The following AUH variants were observed in gnomAD, a reference collection of about 807,000 sequenced individuals.
AUH encodes methylglutaconyl-CoA hydratase, mitochondrial.
Under a neutral mutation model 42.3 loss-of-function variants are expected in AUH, and 29 were observed. The ratio of observed to expected loss-of-function variants is 0.69; its 90% CI spans 0.51 to 0.93. The LOEUF (loss-of-function observed/expected upper bound fraction) is 0.93. Ranked by LOEUF, AUH falls within the 40% of genes least tolerant of loss-of-function variation. The pLI, the probability that AUH is intolerant of heterozygous loss-of-function variation, is 0.00. For synonymous variants in AUH, 174 were observed against 166.4 expected, an observed-to-expected ratio of 1.05 and a Z score of -0.35; for missense variants, 452 against 438.1, an observed-to-expected ratio of 1.03 and a Z score of -0.28.
At chr9:91,348,751 G>A (rs1400898634) in intron 3 of AUH, among the ~76,000 whole-genome samples, 6 of 152,158 alleles carry the variant, frequency 3.9e-5, no homozygotes, top group Non-Finnish European at 1.5e-5. Flanking sequence ...CAGGGCAAGG[G>A]AAGGGGCTTG....
Position 91,361,759 on chromosome 9 carries a change from C to T in AUH, c.131G>A (p.Arg44Gln), listed in dbSNP as rs1283822593. The T allele has an allele frequency of 6.5e-7, 1 of 1,544,616 alleles. No individual in the cohort carries two copies. The highest frequency in any genetic ancestry group is 8.7e-7 in the Non-Finnish European group (1 of 1,145,396). The change falls in exon 1 of 10, where the codon CGA (arginine) becomes CAA (glutamine). Residue 44 changes from arginine to glutamine, a missense_variant. Transcript: ENST00000375731. ...LRLPGSLAGR[R>Q]AGPAIWAQGW... The stretch of plus-strand genomic sequence containing the variant: ...CTGGGCCCAGATCGCCGGGCCCGCT[C>T]GCCGGCCTGCCAACGAGCCGGGCAG...
At chr9:91,252,475 ATC>A (rs1484440574) in intron 6 of AUH, among the ~76,000 whole-genome samples, 1 of 152,132 alleles carries the variant, frequency 6.6e-6, no homozygotes, top group Non-Finnish European at 1.5e-5. Flanking sequence ...AGGTGGTGCC[ATC>A]ACCCTCATTT....
chr9:91,249,464 C>T (rs1379970424), intron 6 of AUH, among the ~76,000 whole-genome samples: 2 of 151,074 alleles, frequency 1.3e-5, no homozygotes, highest in Non-Finnish European at 3.0e-5. Flanking sequence ...TGTAACCTCA[C>T]CCTTGTGGCT....
intron 6 of AUH, among the ~76,000 whole-genome samples, chr9:91,234,330 T>C (rs1587657899): frequency 6.6e-6 from 1 of 152,108 alleles, no homozygotes; most frequent in East Asian, 1.9e-4. Flanking sequence ...GGCATGGAGA[T>C]TTGCCAAGCT....
At chr9:91,246,971 T>A (rs115859766) in intron 6 of AUH, among the ~76,000 whole-genome samples, 1 of 152,182 alleles carries the variant, frequency 6.6e-6, no homozygotes, top group African/African-American at 2.4e-5. Context: ...AGACTTCTTA[T>A]AAAAAGATAC....
rs1384251919 is a variant in AUH at position 91,298,028 on chromosome 9, C to T, written c.554G>A (p.Gly185Asp). 1.9e-6 allele frequency: 3 copies of T among 1,613,854 alleles called. No individual in the cohort carries two copies. The highest frequency in any genetic ancestry group is 2.2e-5 in the East Asian group (1 of 44,874). Residue 185 changes from glycine to aspartate, a missense_variant, in exon 5 of 10, where the codon GGT becomes GAT. By Grantham distance (94) the Gly-to-Asp change is moderately conservative (BLOSUM62 -1). Coordinates refer to ENST00000375731, the MANE Select transcript of AUH (RefSeq NM_001698.3). The stretch of plus-strand genomic sequence containing the variant: ...GGCTAAAGCCAGTTCAAGACCACCA[C>T]CTAAAGCGAGTCCATCTATTGCTGC... The part of the protein sequence containing the change: ...TIAAIDGLAL[G>D]GGLELALACD...
In AUH at chr9:91,361,834, C is replaced by A. The variant is rs1832891431; in HGVS notation, c.56G>T (p.Gly19Val). 3 of 1,501,964 alleles carry A rather than the reference C, an allele frequency of 2.0e-6. No homozygotes were observed. In the Admixed American group the frequency reaches 6.6e-5, roughly 33 times the overall value. The allele number at this position is 1,501,964 out of a possible 1,614,324, so 93.0% of individuals were successfully genotyped here. A position where few individuals can be genotyped will look rare whatever the true frequency, so the allele number is the denominator to read the frequency against. The change falls in exon 1 of 10, where the codon GGC becomes GTC. Residue 19 changes from glycine (G) to valine (V), a missense_variant. By Grantham distance (109) the Gly-to-Val change is moderately radical. Coordinates refer to ENST00000375731, the MANE Select transcript of AUH (RefSeq NM_001698.3). ...ACTGCAAGCGGCCACCAGGCGGGCG[C>A]CGCCAGCATGCAGGGATCCCAAGGC... is the stretch of plus-strand genomic sequence containing the variant. ...PGALGSLHAG[G>V]ARLVAACSAW...
intron 3 of AUH, among the ~76,000 whole-genome samples, chr9:91,355,104 C>A (rs1456587754): frequency 1.3e-5 from 2 of 152,138 alleles, no homozygotes; most frequent in African/African-American, 4.8e-5. Context: ...AAAACTAATT[C>A]TTTTCGGTAT....
intron 4 of AUH, among the ~76,000 whole-genome samples, chr9:91,317,538 T>G (rs773211163): frequency 6.6e-6 from 1 of 152,216 alleles, no homozygotes; most frequent in Admixed American, 6.5e-5. Context: ...CTTGCAACAC[T>G]CTTATTTCTA....
intron 6 of AUH, among the ~76,000 whole-genome samples, chr9:91,268,622 GT>G (rs1440825328): frequency 1.3e-5 from 2 of 152,066 alleles, no homozygotes; most frequent in Admixed American, 6.5e-5. Flanking sequence ...TACAGATGGG[GT>G]TTCACCGTGT....
chr9:91,303,846 G>A (rs1248927595), intron 4 of AUH, among the ~76,000 whole-genome samples: 1 of 152,138 alleles, frequency 6.6e-6, no homozygotes, highest in Non-Finnish European at 1.5e-5. Flanking sequence ...TCATCCTAAT[G>A]TATATTCTCC....
chr9:91,322,900 G>GTA (rs1554714308), intron 4 of AUH, among the ~76,000 whole-genome samples: 1 of 152,126 alleles, frequency 6.6e-6, no homozygotes, highest in Non-Finnish European at 1.5e-5. Context: ...ACACAACTCA[G>GTA]TATAATAAAG....
chr9:91,230,832 C>T (rs1279243434), intron 6 of AUH, among the ~76,000 whole-genome samples: 2 of 152,154 alleles, frequency 1.3e-5, no homozygotes, highest in South Asian at 4.1e-4. Context: ...ATCAGTGTGC[C>T]CCTGCTGGAG....
At chr9:91,354,346 A>G (rs1008889131) in intron 3 of AUH, among the ~76,000 whole-genome samples, 3 of 152,228 alleles carry the variant, frequency 2.0e-5, no homozygotes, top group Non-Finnish European at 4.4e-5. Context: ...TGATTGTACG[A>G]AAGTTTAAAA....
chr9:91,298,641 T>C (rs558648021), intron 4 of AUH, among the ~76,000 whole-genome samples: 1 of 152,304 alleles, frequency 6.6e-6, no homozygotes, highest in African/African-American at 2.4e-5. Context: ...GCTCTTCCAC[T>C]TCAGAGGCAA....
rs997680367 is a variant in AUH, at chr9:91,220,903, T to G, written c.745A>C (p.Lys249Gln). Residue 249 changes from lysine (K) to glutamine (Q), a missense_variant, in exon 7 of 10, where the codon AAA becomes CAA. Coordinates refer to ENST00000375731, the MANE Select transcript of AUH (RefSeq NM_001698.3). ...ACGTGGCTGATTAAGCCCACTGCTT[T>G]GGCTTCTTTGCCATCGAGGACTCGC... is the stretch of plus-strand genomic sequence containing the variant. ...SARVLDGKEA[K>Q]AVGLISHVLE... 5 of 1,614,162 alleles carry G rather than the reference T, an allele frequency of 3.1e-6. No homozygotes were observed. The African/African-American group carries it at 6.7e-5, about 22-fold the overall frequency.
At chr9:91,330,060 A>T (rs1409200214) in intron 3 of AUH, among the ~76,000 whole-genome samples, 1 of 152,232 alleles carries the variant, frequency 6.6e-6, no homozygotes, top group Admixed American at 6.5e-5. Context: ...TTATTAGCAG[A>T]TAACTGTATA....
At chr9:91,335,688 A>G (rs1415703832) in intron 3 of AUH, among the ~76,000 whole-genome samples, 1 of 152,070 alleles carries the variant, frequency 6.6e-6, no homozygotes, top group Non-Finnish European at 1.5e-5. Context: ...TACAATTTTT[A>G]AAGTATTTTT....
chr9:91,243,866 C>T lies in AUH; in HGVS notation c.656-22874G>A, dbSNP rs552241615. ...TGAACTAGATAGCTTTACTCTTCAT[C>T]GGGAAAATCATCAAACACTCTGTAA... On this transcript the variant is annotated intron_variant, in intron 6 of 9. Transcript: ENST00000375731. 1.6e-4 allele frequency among the ~76,000 whole-genome samples: 25 copies of T among 152,260 alleles called. No homozygotes were observed. The South Asian group carries it at 4.3e-3, about 26-fold the overall frequency.
Sources: gnomAD v4.1 joint callset for allele counts (sites outside exome capture counted in the v4.1 genomes callset) on GRCh38, gnomAD v4.1.1 for gene constraint, MANE v1.5 for transcripts, NCBI Gene and HGNC (gene_info 2026-07-23, HGNC 2026-07-21) for gene names.